The following KCNS3 variants were observed in gnomAD, a reference collection of about 807,000 sequenced individuals.
KCNS3 encodes the protein potassium voltage-gated channel modifier subfamily S member 3.
In KCNS3, 13 loss-of-function variants were observed where a neutral mutation model predicts 31.0. That is an observed-to-expected ratio of 0.42 (90% CI 0.27 to 0.67). The LOEUF is 0.67. Ranked by LOEUF, KCNS3 falls within the 30% of genes least tolerant of loss-of-function variation. KCNS3 has a pLI of 0.25. For synonymous variants in KCNS3, 238 were observed against 241.5 expected (o/e 0.99, Z 0.13); for missense variants, 545 against 622.4 (o/e 0.88, Z 1.32).
At chr2:17,922,754 A>G (rs950593552) in intron 2 of KCNS3, among the ~76,000 whole-genome samples, 2 of 151,984 alleles carry the variant, frequency 1.3e-5, no homozygotes, top group Non-Finnish European at 2.9e-5. Context: ...ATAATACAAT[A>G]TATGATCTTT....
intron 1 of KCNS3, among the ~76,000 whole-genome samples, chr2:17,917,210 A>G (rs550395388): frequency 1.3e-5 from 2 of 152,346 alleles, no homozygotes; most frequent in Admixed American, 1.3e-4. Flanking sequence ...AGCCTTTGAA[A>G]TCTATTGATT....
chr2:17,905,954 A>T (rs574203355), intron 1 of KCNS3, among the ~76,000 whole-genome samples: 11 of 152,190 alleles, frequency 7.2e-5, no homozygotes, highest in Admixed American at 3.3e-4. Flanking sequence ...AGGCTTTGGT[A>T]TCATGATGAT....
At chr2:17,922,469 A>G (rs562991935) in intron 2 of KCNS3, among the ~76,000 whole-genome samples, 2 of 152,314 alleles carry the variant, frequency 1.3e-5, no homozygotes, top group East Asian at 1.9e-4. Context: ...TTGGCCACCC[A>G]AAGTGCTGGG....
chr2:17,880,121 C>T (rs1362833470), intron 1 of KCNS3, among the ~76,000 whole-genome samples: 1 of 152,190 alleles, frequency 6.6e-6, no homozygotes, highest in Non-Finnish European at 1.5e-5. Context: ...AGACTATTTG[C>T]AAATACCTGC....
At chr2:17,904,773 T>A (rs144065824) in intron 1 of KCNS3, among the ~76,000 whole-genome samples, 8,365 of 152,202 alleles carry the variant, frequency 0.055, 611 homozygotes, top group African/African-American at 0.17. Context: ...TGGTCGTAGA[T>A]GTGTGGTATT....
intron 1 of KCNS3, among the ~76,000 whole-genome samples, chr2:17,895,755 C>T (rs1197400558): frequency 3.9e-5 from 6 of 152,048 alleles, no homozygotes; most frequent in African/African-American, 7.2e-5. Flanking sequence ...GAAGAGGCGA[C>T]ATTTGGACTG....
intron 1 of KCNS3, among the ~76,000 whole-genome samples, chr2:17,883,608 G>A (rs1223992314): frequency 5.3e-5 from 8 of 152,158 alleles, no homozygotes; most frequent in Admixed American, 6.5e-5. Flanking sequence ...TAAGTGAAGA[G>A]TGGGAGAAAG....
intron 1 of KCNS3, among the ~76,000 whole-genome samples, chr2:17,884,720 T>C (rs1015426991): frequency 6.6e-6 from 1 of 152,148 alleles, no homozygotes; most frequent in African/African-American, 2.4e-5. Context: ...GTCCAGCTCG[T>C]TGGTAAATTA....
chr2:17,896,602 C>A (rs1662034630), intron 1 of KCNS3, among the ~76,000 whole-genome samples: 1 of 151,414 alleles, frequency 6.6e-6, no homozygotes, highest in Admixed American at 6.6e-5. Flanking sequence ...ATGTCTGTTT[C>A]ATCTTCCTGA....
chr2:17,884,305 T>TATATATATATATATATA, intron 1 of KCNS3, among the ~76,000 whole-genome samples: 1 of 92,930 alleles, frequency 1.1e-5, no homozygotes, highest in South Asian at 3.6e-4. Flanking sequence ...ATATATATAT[T>TATATATATATATATATA]TAAAAAGAAG....
rs1392623557 is a variant in KCNS3 at position 17,917,744 on chromosome 2, T to A, written c.-187T>A. The stretch of plus-strand genomic sequence containing the variant: ...CCAGAGAACAGGATTCTTCCCTTCT[T>A]TTTGGCCACCAAATGCCTATGTGCA... On this transcript the variant is annotated 5_prime_UTR_variant, in exon 2 of 3. Transcript: ENST00000304101. 1 of 152,664 alleles carries A rather than the reference T, an allele frequency of 6.6e-6. No individual in the cohort carries two copies. The highest frequency in any genetic ancestry group is 6.5e-5 in the Admixed American group (1 of 15,280). 9.5% of individuals were successfully genotyped at this position (152,664 alleles called of 1,614,324 possible).
At chr2:17,880,402 C>G (rs1467626855) in intron 1 of KCNS3, among the ~76,000 whole-genome samples, 1 of 152,230 alleles carries the variant, frequency 6.6e-6, no homozygotes, top group African/African-American at 2.4e-5. Flanking sequence ...TGCACCCAGT[C>G]TAGTCTGTTC....
chr2:17,902,959 A>G (rs1572488119), intron 1 of KCNS3, among the ~76,000 whole-genome samples: 1 of 152,344 alleles, frequency 6.6e-6, no homozygotes, highest in African/African-American at 2.4e-5. Context: ...ATTAGAACTT[A>G]TCTATCTTGT....
At chr2:17,886,948 C>T (rs1661677370) in intron 1 of KCNS3, among the ~76,000 whole-genome samples, 1 of 152,154 alleles carries the variant, frequency 6.6e-6, no homozygotes. Flanking sequence ...GTTTTTTAAG[C>T]AGGTTCCCCA....
intron 2 of KCNS3, among the ~76,000 whole-genome samples, chr2:17,926,766 G>T (rs1316897485): frequency 6.6e-6 from 1 of 152,252 alleles, no homozygotes; most frequent in Non-Finnish European, 1.5e-5. Flanking sequence ...AGGCTTCTAG[G>T]CCTGTGGTGA....
rs781340452 is a variant in KCNS3, at chr2:17,899,285, G to A, written c.-251-18395G>A. Among the ~76,000 whole-genome samples, 100 of 152,010 alleles carry A rather than the reference G, an allele frequency of 6.6e-4. 2 individuals carry two copies. Among genetic ancestry groups the A allele is most frequent in the Non-Finnish European group, 2.4e-4 (16 of 67,982 alleles). On this transcript the variant is annotated intron_variant, in intron 1 of 2. Coordinates refer to ENST00000304101, the MANE Select transcript of KCNS3 (RefSeq NM_002252.5). ...AACCACAATAGTAAATATTGATATA[G>A]CACTTACATAATGTGCGAGACACTG...
intron 1 of KCNS3, among the ~76,000 whole-genome samples, chr2:17,902,756 A>C (rs571915243): frequency 1.3e-5 from 2 of 152,292 alleles, no homozygotes; most frequent in Admixed American, 1.3e-4. Flanking sequence ...GAGTGTGTGC[A>C]TTGTCCATTT....
intron 1 of KCNS3, among the ~76,000 whole-genome samples, chr2:17,885,757 T>G (rs1661640955): frequency 6.6e-6 from 1 of 152,178 alleles, no homozygotes; most frequent in African/African-American, 2.4e-5. Context: ...TATATGCCAG[T>G]CTCTTCCAAA....
At chr2:17,882,049 C>T (rs905797474) in intron 1 of KCNS3, among the ~76,000 whole-genome samples, 6 of 152,054 alleles carry the variant, frequency 3.9e-5, no homozygotes, top group Admixed American at 1.3e-4. Context: ...CTTTGTACTC[C>T]GACGCAAATT....
Sources: gnomAD v4.1 joint callset for allele counts (sites outside exome capture counted in the v4.1 genomes callset) on GRCh38, gnomAD v4.1.1 for gene constraint, MANE v1.5 for transcripts, NCBI Gene and HGNC (gene_info 2026-07-23, HGNC 2026-07-21) for gene names.